Variants in GRIK2 observed in about 807,000 individuals in gnomAD.
The protein encoded by GRIK2 is glutamate receptor ionotropic, kainate 2.
In GRIK2, 32 loss-of-function variants were observed where a neutral mutation model predicts 100.3. The ratio of observed to expected loss-of-function variants is 0.32; its 90% CI spans 0.24 to 0.43. The LOEUF is 0.43. GRIK2 is among the 20% of genes least tolerant of loss of function. The pLI is 1.00. For synonymous variants in GRIK2, 417 were observed against 389.4 expected (o/e 1.07, Z -0.83); for missense variants, 843 against 1,114.9 (o/e 0.76, Z 3.47).
intron 2 of GRIK2, among the ~76,000 whole-genome samples, chr6:101,548,460 C>T (rs559505602): frequency 2.6e-5 from 4 of 152,216 alleles, no homozygotes; most frequent in South Asian, 2.1e-4. Context: ...TTAGGTCTAA[C>T]GTTTAAGTCT....
At chr6:101,905,079 A>C (rs1397885697) in intron 12 of GRIK2, among the ~76,000 whole-genome samples, 1 of 151,622 alleles carries the variant, frequency 6.6e-6, no homozygotes, top group African/African-American at 2.4e-5. Flanking sequence ...ATATAGTACA[A>C]AAAGCTAAAA....
chr6:101,518,926 G>A lies in GRIK2; in HGVS notation c.116-103023G>A, dbSNP rs534429377. 1.9e-3 allele frequency among the ~76,000 whole-genome samples: 286 copies of A among 152,246 alleles called. 1 individual carries two copies. The highest frequency in any genetic ancestry group is 6.8e-3 in the African/African-American group (282 of 41,546). ...AGACTAAATGCTGATTTTTAAACAA[G>A]TGTTACATTTATAGATGCATTATTG... On this transcript the variant is annotated intron_variant, in intron 2 of 16. Coordinates refer to ENST00000369134, the MANE Select transcript of GRIK2 (RefSeq NM_021956.5).
At chr6:101,868,491 G>A (rs1303861563) in intron 11 of GRIK2, among the ~76,000 whole-genome samples, 1 of 151,486 alleles carries the variant, frequency 6.6e-6, no homozygotes, top group East Asian at 1.9e-4. Flanking sequence ...GAACATCTGT[G>A]TGTTATTAAA....
At chr6:101,876,046 C>T (rs962026492) in intron 11 of GRIK2, among the ~76,000 whole-genome samples, 1 of 150,430 alleles carries the variant, frequency 6.6e-6, no homozygotes, top group Admixed American at 6.7e-5. Context: ...GATCTCTCAT[C>T]TTGGGATCAA....
intron 2 of GRIK2, among the ~76,000 whole-genome samples, chr6:101,529,166 G>T (rs1005261192): frequency 5.3e-5 from 8 of 152,050 alleles, no homozygotes; most frequent in Admixed American, 1.3e-4. Context: ...AAATTATTTT[G>T]GGATCTACTG....
At chr6:101,781,629 G>A (rs116087143) in intron 7 of GRIK2, among the ~76,000 whole-genome samples, 4,236 of 151,838 alleles carry the variant, frequency 0.028, 84 homozygotes, top group African/African-American at 0.064. Context: ...ATATGTGTGC[G>A]TGCATGATAT....
At chr6:102,027,249 C>T (rs897172678) in intron 14 of GRIK2, among the ~76,000 whole-genome samples, 3 of 151,216 alleles carry the variant, frequency 2.0e-5, no homozygotes, top group African/African-American at 7.3e-5. Context: ...ACAAAATTTA[C>T]ATTGTTAATT....
At chr6:101,623,693 C>T (rs1286789278) in intron 3 of GRIK2, among the ~76,000 whole-genome samples, 2 of 152,034 alleles carry the variant, frequency 1.3e-5, no homozygotes, top group East Asian at 3.9e-4. Flanking sequence ...TGTGGTTTGA[C>T]CAAAATATTA....
chr6:101,410,333 G>A (rs966840655), intron 2 of GRIK2, among the ~76,000 whole-genome samples: 2 of 152,140 alleles, frequency 1.3e-5, no homozygotes, highest in Non-Finnish European at 2.9e-5. Flanking sequence ...GTTGATTCAG[G>A]AAAGTTTCAT....
Position 101,546,819 on chromosome 6 carries a change from C to CTTTTTT in GRIK2, c.116-75107_116-75102dup, listed in dbSNP as rs1169622526. Among the ~76,000 whole-genome samples the CTTTTTT allele has an allele frequency of 1.3e-3, 99 of 76,924 alleles. 10 individuals are homozygous for CTTTTTT. Among genetic ancestry groups the CTTTTTT allele is most frequent in the African/African-American group, 2.1e-3 (44 of 21,080 alleles). The allele number at this position is 76,924 out of a possible 152,430, so 50.5% of individuals were successfully genotyped here. The stretch of plus-strand genomic sequence containing the variant: ...TCCTCCAACTCTCATGTTTTTGTTT[C>CTTTTTT]TTTTTTTTTTTTTTTTTTTTTTTTT... On this transcript the variant is annotated intron_variant, in intron 2 of 16. Coordinates refer to ENST00000369134, the MANE Select transcript of GRIK2 (RefSeq NM_021956.5).
At chr6:102,064,266 C>CTCTCCTTCTCCTTCTCTTCTCCT (rs1389405411) in intron 16 of GRIK2, among the ~76,000 whole-genome samples, 1 of 149,514 alleles carries the variant, frequency 6.7e-6, no homozygotes, top group East Asian at 2.0e-4. Context: ...CTTCTCCTCC[C>CTCTCCTTCTCCTTCTCTTCTCCT]TCTCCTTCTC....
intron 2 of GRIK2, among the ~76,000 whole-genome samples, chr6:101,518,545 A>T (rs1326302800): frequency 6.6e-6 from 1 of 152,128 alleles, no homozygotes; most frequent in Non-Finnish European, 1.5e-5. Flanking sequence ...ATATTAGCTG[A>T]TGTATGAGTA....
chr6:101,719,138 G>GTTTGT (rs1774276122), intron 7 of GRIK2, among the ~76,000 whole-genome samples: 1 of 101,170 alleles, frequency 9.9e-6, no homozygotes, highest in Admixed American at 1.0e-4. Flanking sequence ...GGCTGCAAGG[G>GTTTGT]TTTTTTTTTT....
chr6:101,989,753 T>C (rs949553812), intron 14 of GRIK2, among the ~76,000 whole-genome samples: 15 of 151,602 alleles, frequency 9.9e-5, no homozygotes, highest in Admixed American at 4.6e-4. Flanking sequence ...TCTGTATATA[T>C]TGCAGTTTTA....
chr6:101,460,456 GGTAAT>G (rs1338567872), intron 2 of GRIK2, among the ~76,000 whole-genome samples: 1 of 152,124 alleles, frequency 6.6e-6, no homozygotes, highest in Non-Finnish European at 1.5e-5. Context: ...AACTTGTATT[GGTAAT>G]GTAACACAAG....
chr6:101,864,695 A>G (rs1448317832), intron 11 of GRIK2, among the ~76,000 whole-genome samples: 1 of 152,134 alleles, frequency 6.6e-6, no homozygotes, highest in Non-Finnish European at 1.5e-5. Context: ...AAAAGGTGCC[A>G]ATGTTTTTGA....
In GRIK2 at chr6:101,898,011, A is replaced by G. The variant is rs370614299; in HGVS notation, c.1748+8148A>G. Among the ~76,000 whole-genome samples the G allele has an allele frequency of 5.9e-4, 90 of 152,000 alleles. 1 individual carries two copies. The highest frequency in any genetic ancestry group is 2.1e-3 in the African/African-American group (86 of 41,540). ...TGAGGGACAATTGAGAGAAAAAAGAAGAAAACTAATACGTATTGCATGTCA... is the reference window on the plus strand; with the variant it reads ...TGAGGGACAATTGAGAGAAAAAAGAGGAAAACTAATACGTATTGCATGTCA... On this transcript the variant is annotated intron_variant, in intron 12 of 16. Coordinates refer to ENST00000369134, the MANE Select transcript of GRIK2 (RefSeq NM_021956.5).
intron 7 of GRIK2, among the ~76,000 whole-genome samples, chr6:101,781,881 T>C (rs915459506): frequency 2.4e-4 from 36 of 152,216 alleles, no homozygotes; most frequent in African/African-American, 8.4e-4. Context: ...CTCACAATTC[T>C]GGAGGTTGAA....
chr6:101,522,138 T>C (rs1228464516), intron 2 of GRIK2, among the ~76,000 whole-genome samples: 1 of 152,144 alleles, frequency 6.6e-6, no homozygotes, highest in Non-Finnish European at 1.5e-5. Context: ...TTCTAGAAAC[T>C]CGTTACTTAC....
Sources: gnomAD v4.1 joint callset for allele counts (sites outside exome capture counted in the v4.1 genomes callset) on GRCh38, gnomAD v4.1.1 for gene constraint, MANE v1.5 for transcripts, NCBI Gene and HGNC (gene_info 2026-07-23, HGNC 2026-07-21) for gene names.